Variants in PANX1 observed in about 807,000 individuals in gnomAD.
The protein encoded by PANX1 is pannexin 1.
In PANX1, 30 loss-of-function variants were observed where a neutral mutation model predicts 38.7. That is an observed-to-expected ratio of 0.78 (90% CI 0.58 to 1.05). The LOEUF is 1.05. Among genes scored for constraint, PANX1 ranks in the 50% least tolerant of loss-of-function variants. The pLI is 0.00. For missense variants in PANX1, 551 were observed against 517.2 expected, an observed-to-expected ratio of 1.07 and a Z score of -0.63; for synonymous variants, 230 against 212.2, an observed-to-expected ratio of 1.08 and a Z score of -0.73.
chr11:94,130,082 A>G (rs921330373), intron 1 of PANX1, among the ~76,000 whole-genome samples: 1 of 152,180 alleles, frequency 6.6e-6, no homozygotes, highest in Admixed American at 6.5e-5. Flanking sequence ...CTTCCTGTAA[A>G]TTATCATTTG....
chr11:94,152,113 TG>T (rs1946888873), intron 1 of PANX1, among the ~76,000 whole-genome samples: 1 of 137,466 alleles, frequency 7.3e-6, no homozygotes, highest in Non-Finnish European at 1.5e-5. Context: ...TCCCTATCAT[TG>T]CTCCATAGGG....
At chr11:94,147,394 C>T (rs1946839494) in intron 1 of PANX1, among the ~76,000 whole-genome samples, 1 of 152,194 alleles carries the variant, frequency 6.6e-6, no homozygotes, top group South Asian at 2.1e-4. Flanking sequence ...TTTTTTTCCA[C>T]CCAACAGTGG....
At chr11:94,131,244 C>T (rs1474902810) in intron 1 of PANX1, among the ~76,000 whole-genome samples, 1 of 152,196 alleles carries the variant, frequency 6.6e-6, no homozygotes, top group Non-Finnish European at 1.5e-5. Flanking sequence ...CAATCTCCAC[C>T]TCTAGCACAT....
At chr11:94,137,859 T>C (rs1946714066) in intron 1 of PANX1, among the ~76,000 whole-genome samples, 1 of 23,458 alleles carries the variant, frequency 4.3e-5, no homozygotes, top group Non-Finnish European at 6.8e-5. Context: ...CAGGGATAAC[T>C]ACTATTCTTG....
intron 2 of PANX1, among the ~76,000 whole-genome samples, chr11:94,159,750 TA>T (rs2134502453): frequency 6.6e-6 from 1 of 152,020 alleles, no homozygotes; most frequent in East Asian, 1.9e-4. Flanking sequence ...TGATGTTAGT[TA>T]TTTCTTGCCT....
At chr11:94,159,177 C>T (rs561472403) in intron 2 of PANX1, among the ~76,000 whole-genome samples, 19 of 152,030 alleles carry the variant, frequency 1.2e-4, no homozygotes, top group African/African-American at 4.3e-4. Context: ...ATTTTTGCGT[C>T]GATGTTCATC....
intron 1 of PANX1, among the ~76,000 whole-genome samples, chr11:94,133,747 G>A (rs1010893549): frequency 6.6e-6 from 1 of 152,176 alleles, no homozygotes; most frequent in African/African-American, 2.4e-5. Context: ...TGTGGTGGGA[G>A]CCAGAGAAGG....
At chr11:94,130,054 G>A (rs546330260) in intron 1 of PANX1, among the ~76,000 whole-genome samples, 85 of 152,356 alleles carry the variant, frequency 5.6e-4, no homozygotes, top group African/African-American at 1.9e-3. Context: ...TCTTACAAAT[G>A]TGAGATGAAC....
intron 3 of PANX1, 29 bp from the exon 4 acceptor site, chr11:94,179,573 A>T (rs772070550): frequency 2.2e-5 from 34 of 1,561,370 alleles, no homozygotes; most frequent in Middle Eastern, 3.4e-4. Context: ...ATGAGTGCCT[A>T]AGTTATTTTT....
At chr11:94,165,881 C>G in intron 2 of PANX1, among the ~76,000 whole-genome samples, 1 of 152,084 alleles carries the variant, frequency 6.6e-6, no homozygotes, top group East Asian at 1.9e-4. Flanking sequence ...CCATTGCACT[C>G]CAGCCTGGGC....
In PANX1 at chr11:94,153,476, TG is replaced by T; in HGVS notation, c.182-14del. 10 of 1,613,166 alleles carry T rather than the reference TG, an allele frequency of 6.2e-6. No individual in the cohort carries two copies. Among genetic ancestry groups the T allele is most frequent in the Non-Finnish European group, 7.6e-6 (9 of 1,179,486 alleles). ...AGCTGTGTTTTCATTGGAAACTATC[TG>T]TTTTGCTTCTTAGGTACACAGATAA... is the stretch of plus-strand genomic sequence containing the variant. On this transcript the variant is annotated splice_polypyrimidine_tract_variant and intron_variant, in intron 1 of 4. Transcript: ENST00000227638.
chr11:94,160,953 G>A (rs866570077), intron 2 of PANX1, among the ~76,000 whole-genome samples: 29 of 152,300 alleles, frequency 1.9e-4, no homozygotes, highest in African/African-American at 6.5e-4. Flanking sequence ...TTGCTTTGCT[G>A]TAAAGGATTT....
chr11:94,133,964 T>A (rs549357866), intron 1 of PANX1, among the ~76,000 whole-genome samples: 1 of 152,182 alleles, frequency 6.6e-6, no homozygotes, highest in Non-Finnish European at 1.5e-5. Context: ...TGAGTGCCAT[T>A]TAATGATACA....
At chr11:94,154,188 G>C (rs1946919746) in intron 2 of PANX1, among the ~76,000 whole-genome samples, 1 of 152,150 alleles carries the variant, frequency 6.6e-6, no homozygotes. Context: ...GATAGATCCA[G>C]ATACTGCAGG....
Position 94,179,585 on chromosome 11 carries a change from T to C in PANX1, c.546-17T>C. On this transcript the variant is annotated splice_polypyrimidine_tract_variant and intron_variant, in intron 3 of 4. Coordinates refer to ENST00000227638, the MANE Select transcript of PANX1 (RefSeq NM_015368.4). ...TTGATGAGTGCCTAAGTTATTTTTG[T>C]TTCCTTTATTTTTTAGTTTGTGGGA... 6.2e-7 allele frequency: 1 copy of C among 1,600,428 alleles called. No individual in the cohort carries two copies. The highest frequency in any genetic ancestry group is 8.6e-7 in the Non-Finnish European group (1 of 1,168,888).
chr11:94,133,002 C>T (rs990025578), intron 1 of PANX1, among the ~76,000 whole-genome samples: 9 of 152,186 alleles, frequency 5.9e-5, no homozygotes, highest in Non-Finnish European at 1.2e-4. Context: ...TAAAGGCTTC[C>T]GTTTGGTCTT....
rs1305406262 is a variant in PANX1 at position 94,181,897 on chromosome 11, A to G, written c.*1028A>G. 1 of 152,218 alleles carries G rather than the reference A, an allele frequency of 6.6e-6. No homozygotes were observed. Among genetic ancestry groups the G allele is most frequent in the Non-Finnish European group, 1.5e-5 (1 of 68,042 alleles). The allele number at this position is 152,218 out of a possible 1,614,324, so 9.4% of individuals were successfully genotyped here. A position where few individuals can be genotyped will look rare whatever the true frequency, so the allele number is the denominator to read the frequency against. On this transcript the variant is annotated 3_prime_UTR_variant, in exon 5 of 5. Transcript: ENST00000227638. ...TATCGTTTATTCAGTGTCCGAATTG[A>G]GGCCATTTGGGAAGAAAATTCTAGC... is the stretch of plus-strand genomic sequence containing the variant.
rs1376706635 is a variant in PANX1, at chr11:94,179,713, G to T, written c.657G>T (p.Leu219=). 1.2e-6 allele frequency: 2 copies of T among 1,613,864 alleles called. No individual in the cohort carries two copies. Among genetic ancestry groups the T allele is most frequent in the African/African-American group, 1.3e-5 (1 of 75,022 alleles). The stretch of plus-strand genomic sequence containing the variant: ...TCAAGTACATTAGCTGCCGCCTGCT[G>T]ACACTCATCATTATACTGTTAGCGT... ...LIIKYISCRL[L]TLIIILLACI... The change falls in exon 4 of 5, where the codon CTG becomes CTT. Residue 219 remains leucine (L), a synonymous_variant. Transcript: ENST00000227638.
rs761476795 is a variant in PANX1, at chr11:94,129,433, A to C, written c.121A>C (p.Ile41Leu). Residue 41 changes from isoleucine (I) to leucine (L), a missense_variant, in exon 1 of 5, where the codon ATT becomes CTT. Transcript: ENST00000227638. ...GGCTGTGGACAAGATGGTCACGTGCATTGCGGTGGGGCTGCCCCTGCTGCT... is the reference window on the plus strand; with the variant it reads ...GGCTGTGGACAAGATGGTCACGTGCCTTGCGGTGGGGCTGCCCCTGCTGCT... ...ELAVDKMVTC[I>L]AVGLPLLLIS... is the part of the protein sequence containing the mutation. The C allele has an allele frequency of 3.7e-6, 6 of 1,613,892 alleles. No individual in the cohort carries two copies. Among genetic ancestry groups the C allele is most frequent in the East Asian group, 2.2e-5 (1 of 44,842 alleles).
Sources: gnomAD v4.1 joint callset for allele counts (sites outside exome capture counted in the v4.1 genomes callset) on GRCh38, gnomAD v4.1.1 for gene constraint, MANE v1.5 for transcripts, NCBI Gene and HGNC (gene_info 2026-07-23, HGNC 2026-07-21) for gene names.